The following CDH20 variants were observed in gnomAD, a reference collection of about 807,000 sequenced individuals.
The protein encoded by CDH20 is cadherin-20.
A neutral mutation model predicts 74.2 loss-of-function variants in CDH20; 29 were observed. The observed-to-expected ratio is 0.39, with a 90% confidence interval of 0.29 to 0.53. CDH20 has a LOEUF of 0.53. CDH20 is among the 20% of genes least tolerant of loss of function. The pLI, the probability that CDH20 is intolerant of heterozygous loss-of-function variation, is 0.69. For synonymous variants in CDH20, 469 were observed against 405.4 expected (o/e 1.16, Z -1.88); for missense variants, 988 against 1,048.3 (o/e 0.94, Z 0.79).
At chr18:61,505,266 G>A (rs1250781926) in intron 5 of CDH20, among the ~76,000 whole-genome samples, 6 of 151,986 alleles carry the variant, frequency 3.9e-5, no homozygotes, top group Non-Finnish European at 5.9e-5. Context: ...CCCAAACATG[G>A]CAGCTTCACA....
chr18:61,541,941 C>T (rs1299363857), intron 9 of CDH20, among the ~76,000 whole-genome samples: 3 of 151,972 alleles, frequency 2.0e-5, no homozygotes, highest in South Asian at 2.1e-4. Flanking sequence ...AGCAGGAGAG[C>T]GGGCCATGCG....
At chr18:61,354,814 G>A (rs1273694452) in intron 1 of CDH20, among the ~76,000 whole-genome samples, 1 of 151,558 alleles carries the variant, frequency 6.6e-6, no homozygotes, top group Admixed American at 6.6e-5. Context: ...TCATATTTTG[G>A]GCTATTCTAT....
Position 61,510,148 on chromosome 18 carries a change from T to G in CDH20, c.1017+2588T>G, listed in dbSNP as rs527335695. On this transcript the variant is annotated intron_variant, in intron 6 of 11. Transcript: ENST00000262717. ...AATCTGGGAATCATAAGCATATAGA[T>G]GGTACTTAAAGCAAATAAAACAAAT... Among the ~76,000 whole-genome samples the G allele has an allele frequency of 8.5e-5, 13 of 152,188 alleles. No homozygotes were observed. The East Asian group carries it at 1.9e-3, about 23-fold the overall frequency.
At chr18:61,454,924 G>A (rs1159781127) in intron 1 of CDH20, among the ~76,000 whole-genome samples, 2 of 152,166 alleles carry the variant, frequency 1.3e-5, no homozygotes, top group African/African-American at 4.8e-5. Context: ...TCATGCGTGA[G>A]GCAAAAGAAC....
At chr18:61,521,294 C>A (rs1046072704) in intron 6 of CDH20, among the ~76,000 whole-genome samples, 8 of 151,358 alleles carry the variant, frequency 5.3e-5, no homozygotes, top group Admixed American at 5.2e-4. Context: ...ATACTATAAA[C>A]ACTTCTATGC....
intron 1 of CDH20, among the ~76,000 whole-genome samples, chr18:61,446,659 C>T (rs964356319): frequency 2.0e-5 from 3 of 152,094 alleles, no homozygotes; most frequent in African/African-American, 7.2e-5. Flanking sequence ...TTATCAAGTA[C>T]CTTCTAATCC....
chr18:61,413,514 A>T lies in CDH20; in HGVS notation c.-152-76888A>T, dbSNP rs1028514312. 3.3e-5 allele frequency among the ~76,000 whole-genome samples: 5 copies of T among 152,136 alleles called. No individual in the cohort carries two copies. The South Asian group carries it at 1.0e-3, about 32-fold the overall frequency. Reference sequence around the variant, plus strand: ...TGTGTGGCCATGCATAAAAACTCCTAAAAACTGTGACCATCCAAGGGTTTC... The same window carrying T: ...TGTGTGGCCATGCATAAAAACTCCTTAAAACTGTGACCATCCAAGGGTTTC... On this transcript the variant is annotated intron_variant, in intron 1 of 11. Transcript: ENST00000262717.
chr18:61,441,641 G>A (rs2144319073), intron 1 of CDH20, among the ~76,000 whole-genome samples: 1 of 152,260 alleles, frequency 6.6e-6, no homozygotes, highest in East Asian at 1.9e-4. Context: ...CCATACCTTT[G>A]CAAAGGCAAC....
At chr18:61,341,433 G>T (rs34592799) in intron 1 of CDH20, among the ~76,000 whole-genome samples, 144,225 of 151,336 alleles carry the variant, frequency 0.95, 68,887 homozygotes, top group Middle Eastern at 1. Context: ...CCCCCCCCCC[G>T]CCTAATGCCG....
rs778320963 is a variant in CDH20, at chr18:61,554,199, T to C, written c.1910T>C (p.Leu637Ser). 1 of 1,609,534 alleles carries C rather than the reference T, an allele frequency of 6.2e-7. No individual in the cohort carries two copies. The highest frequency in any genetic ancestry group is 8.5e-7 in the Non-Finnish European group (1 of 1,176,526). ...ACIFVLLVLV[L>S]LILSMRRHRK... Reference sequence around the variant, plus strand: ...TTTTTGTTCCTGGCAGTGCTGGTGTTGCTCATTTTGTCCATGAGGCGGCAC... The same window carrying C: ...TTTTTGTTCCTGGCAGTGCTGGTGTCGCTCATTTTGTCCATGAGGCGGCAC... Residue 637 changes from leucine (L) to serine (S), a missense_variant, in exon 12 of 12, where the codon TTG becomes TCG. By Grantham distance (145) the Leu-to-Ser change is moderately radical (BLOSUM62 -2). Coordinates refer to ENST00000262717, the MANE Select transcript of CDH20 (RefSeq NM_031891.4).
Position 61,554,048 on chromosome 18 carries a change from G to A in CDH20, c.1901-142G>A, listed in dbSNP as rs984990185. The A allele has an allele frequency of 4.3e-6, 4 of 920,980 alleles. No homozygotes were observed. The African/African-American group carries it at 5.1e-5, about 12-fold the overall frequency. The allele number at this position is 920,980 out of a possible 1,614,324, so 57.1% of individuals were successfully genotyped here. ...GTGGACTTAAATTAGAACTCCCCGA[G>A]GTTTCAGATATCCAAAAGCTATCTC... On this transcript the variant is annotated intron_variant, in intron 11 of 11. Transcript: ENST00000262717.
chr18:61,338,506 T>A (rs951549145), intron 1 of CDH20, among the ~76,000 whole-genome samples: 11 of 152,162 alleles, frequency 7.2e-5, no homozygotes, highest in African/African-American at 2.7e-4. Flanking sequence ...CACCTCAAGG[T>A]ATATGTAATT....
At chr18:61,352,706 T>C (rs1856273326) in intron 1 of CDH20, among the ~76,000 whole-genome samples, 1 of 152,182 alleles carries the variant, frequency 6.6e-6, no homozygotes. Flanking sequence ...CTTGACAAAA[T>C]TAAATGTTAG....
chr18:61,478,633 A>G (rs2144273009), intron 1 of CDH20, among the ~76,000 whole-genome samples: 1 of 152,308 alleles, frequency 6.6e-6, no homozygotes, highest in East Asian at 1.9e-4. Context: ...TATTCAGTGC[A>G]TGAGGAGTAA....
At position 61,426,822 on chromosome 18, in the gene CDH20, A is replaced by G. The variant is rs572919988; in HGVS notation, c.-152-63580A>G. Among the ~76,000 whole-genome samples, 9 of 152,364 alleles carry G rather than the reference A, an allele frequency of 5.9e-5. No individual in the cohort carries two copies. In the South Asian group the frequency reaches 1.2e-3, roughly 21 times the overall value. On this transcript the variant is annotated intron_variant, in intron 1 of 11. Transcript: ENST00000262717. ...CGTCCTCGTGGTTTTGTTAAGCAGC[A>G]GAGCCTGTGTGCTCTGTCAGGACAT...
intron 1 of CDH20, among the ~76,000 whole-genome samples, chr18:61,487,598 C>A (rs1368167242): frequency 6.6e-6 from 1 of 152,100 alleles, no homozygotes; most frequent in Non-Finnish European, 1.5e-5. Context: ...CCAAGGGCTC[C>A]CCCGGTCAAG....
At position 61,363,529 on chromosome 18, in the gene CDH20, A is replaced by G; in HGVS notation, c.-153+29702A>G. On this transcript the variant is annotated intron_variant, in intron 1 of 11. Transcript: ENST00000262717. The stretch of plus-strand genomic sequence containing the variant: ...TTAAAATATAGCATTCCTTTAATGT[A>G]TTTGGTATTATTTCAATTAACAAAT... Among the ~76,000 whole-genome samples, 3 of 152,298 alleles carry G rather than the reference A, an allele frequency of 2.0e-5. No individual in the cohort carries two copies. The Middle Eastern group carries it at 0.01, about 518-fold the overall frequency.
chr18:61,395,991 T>A (rs1176282464), intron 1 of CDH20, among the ~76,000 whole-genome samples: 2 of 152,156 alleles, frequency 1.3e-5, no homozygotes, highest in East Asian at 3.9e-4. Context: ...AAGTGAAGAT[T>A]GTTCCCCAAT....
chr18:61,505,335 CT>C (rs35833642), intron 5 of CDH20, among the ~76,000 whole-genome samples: 42,682 of 117,242 alleles, frequency 0.36, 6,394 homozygotes, highest in East Asian at 0.62. Flanking sequence ...AAACCAATAT[CT>C]TTTTTTTTTT....
Sources: allele counts gnomAD v4.1 joint callset (sites outside exome capture counted in the v4.1 genomes callset), GRCh38; gene constraint gnomAD v4.1.1; transcripts MANE v1.5; gene names NCBI Gene and HGNC (gene_info 2026-07-23, HGNC 2026-07-21).